Variants in GALNT13 observed in about 807,000 individuals in gnomAD.
The protein encoded by GALNT13 is UDP-GalNAc:polypeptide N-acetylgalactosaminyltransferase 13.
A neutral mutation model predicts 64.2 loss-of-function variants in GALNT13; 28 were observed. That is an observed-to-expected ratio of 0.44 (90% CI 0.32 to 0.60). The LOEUF is 0.60. Ranked by LOEUF, GALNT13 falls within the 20% of genes least tolerant of loss-of-function variation. The pLI, the probability that GALNT13 is intolerant of heterozygous loss-of-function variation, is 0.05. For missense variants in GALNT13, 577 were observed against 669.8 expected (o/e 0.86, Z 1.53); for synonymous variants, 214 against 224.6 (o/e 0.95, Z 0.42).
the GALNT13 span, among the ~76,000 whole-genome samples, chr2:153,184,388 T>A: frequency 6.6e-6 from 1 of 152,230 alleles, no homozygotes; most frequent in East Asian, 1.9e-4. Context: ...AATGGGATTT[T>A]GTAGATATAG....
intron 4 of GALNT13, among the ~76,000 whole-genome samples, chr2:154,150,086 T>C (rs2105616606): frequency 6.6e-6 from 1 of 152,348 alleles, no homozygotes; most frequent in South Asian, 2.1e-4. Context: ...GCTCTTATTA[T>C]TTTGAGATAC....
At chr2:153,421,810 G>A in the GALNT13 span, 24 of 184,520 alleles carry the variant, frequency 1.3e-4, no homozygotes, top group South Asian at 1.5e-3. Flanking sequence ...CTGAAGAGGC[G>A]TAGAATCAAT....
chr2:154,353,697 T>C (rs1446141816), intron 9 of GALNT13, among the ~76,000 whole-genome samples: 2 of 152,186 alleles, frequency 1.3e-5, no homozygotes, highest in Non-Finnish European at 2.9e-5. Flanking sequence ...TTATTTCACT[T>C]AGCATAATGC....
intron 4 of GALNT13, among the ~76,000 whole-genome samples, chr2:154,152,444 G>C (rs557975822): frequency 6.6e-6 from 1 of 152,022 alleles, no homozygotes; most frequent in African/African-American, 2.4e-5. Flanking sequence ...TCTTTGTGGC[G>C]TTCTCTGTAT....
the GALNT13 span, among the ~76,000 whole-genome samples, chr2:153,781,176 G>A: frequency 1.4e-4 from 22 of 152,256 alleles, no homozygotes; most frequent in African/African-American, 5.1e-4. Flanking sequence ...TTGAAGTTTT[G>A]TTGCAGAAGA....
intron 3 of GALNT13, among the ~76,000 whole-genome samples, chr2:154,043,504 CTA>C (rs1465027913): frequency 6.9e-6 from 1 of 144,526 alleles, no homozygotes; most frequent in African/African-American, 2.6e-5. Context: ...AATAAGGTCT[CTA>C]TTTAAAAATC....
chr2:153,615,869 T>G, the GALNT13 span, among the ~76,000 whole-genome samples: 2 of 152,108 alleles, frequency 1.3e-5, no homozygotes, highest in African/African-American at 4.8e-5. Context: ...TGCAAATATT[T>G]TCTCCCATTC....
chr2:153,795,308 C>T, the GALNT13 span, among the ~76,000 whole-genome samples: 17 of 152,174 alleles, frequency 1.1e-4, no homozygotes, highest in East Asian at 1.4e-3. Context: ...TTGTACCGTA[C>T]GTGATTTTGT....
the GALNT13 span, among the ~76,000 whole-genome samples, chr2:153,172,883 T>C: frequency 2.0e-5 from 3 of 152,150 alleles, no homozygotes; most frequent in African/African-American, 7.2e-5. Context: ...CTTTGTACTT[T>C]GACACTTTTG....
the GALNT13 span, among the ~76,000 whole-genome samples, chr2:153,776,542 A>G: frequency 6.6e-6 from 1 of 152,216 alleles, no homozygotes; most frequent in Admixed American, 6.5e-5. Context: ...TGTCAATTCC[A>G]ACAAAGCATT....
At chr2:154,206,271 G>A (rs923109766) in intron 4 of GALNT13, among the ~76,000 whole-genome samples, 1 of 151,766 alleles carries the variant, frequency 6.6e-6, no homozygotes, top group South Asian at 2.1e-4. Context: ...AAAGTGCTGG[G>A]ATTACAGGCA....
the GALNT13 span, among the ~76,000 whole-genome samples, chr2:153,610,044 C>T: frequency 6.6e-6 from 1 of 152,222 alleles, no homozygotes; most frequent in South Asian, 2.1e-4. Flanking sequence ...ACCTCCTGCT[C>T]TACTGGCTGT....
At chr2:153,686,638 C>G in the GALNT13 span, among the ~76,000 whole-genome samples, 1 of 151,952 alleles carries the variant, frequency 6.6e-6, no homozygotes, top group African/African-American at 2.4e-5. Flanking sequence ...TTATTTATTT[C>G]TCTTGTCTGG....
At chr2:153,636,441 C>T in the GALNT13 span, among the ~76,000 whole-genome samples, 2 of 152,052 alleles carry the variant, frequency 1.3e-5, no homozygotes, top group Non-Finnish European at 2.9e-5. Context: ...AAAGGCTTCT[C>T]GTAGTTTTTA....
intron 11 of GALNT13, among the ~76,000 whole-genome samples, chr2:154,434,363 C>T (rs1447424524): frequency 6.6e-6 from 1 of 152,096 alleles, no homozygotes; most frequent in African/African-American, 2.4e-5. Context: ...GGGCTCACGC[C>T]ATTCTCCTGC....
chr2:153,087,703 T>C, the GALNT13 span, among the ~76,000 whole-genome samples: 2 of 152,166 alleles, frequency 1.3e-5, no homozygotes, highest in Non-Finnish European at 2.9e-5. Flanking sequence ...CCTAGGAGAA[T>C]TGTATATTCC....
intron 3 of GALNT13, among the ~76,000 whole-genome samples, chr2:154,084,167 T>A (rs947479062): frequency 6.6e-6 from 1 of 151,950 alleles, no homozygotes; most frequent in Non-Finnish European, 1.5e-5. Flanking sequence ...ATTTCAACTA[T>A]AAATTTCACT....
chr2:153,246,820 G>A, the GALNT13 span, among the ~76,000 whole-genome samples: 2 of 152,082 alleles, frequency 1.3e-5, no homozygotes, highest in African/African-American at 2.4e-5. Context: ...ATGCAAATGG[G>A]CTAAATACCT....
rs1302525964 is a variant in GALNT13, at chr2:154,073,372, G to A, written c.143-66965G>A. ...GCAGACATTTTCTGTGAAAATATAG[G>A]AAGTGAGTCATTCGAATAAAACAAG... is the stretch of plus-strand genomic sequence containing the variant. On this transcript the variant is annotated intron_variant, in intron 3 of 12. Transcript: ENST00000392825. Among the ~76,000 whole-genome samples, 3 of 152,094 alleles carry A rather than the reference G, an allele frequency of 2.0e-5. No homozygotes were observed. The East Asian group carries it at 5.8e-4, about 29-fold the overall frequency.
Sources: gnomAD v4.1 joint callset for allele counts (sites outside exome capture counted in the v4.1 genomes callset) on GRCh38, gnomAD v4.1.1 for gene constraint, MANE v1.5 for transcripts, NCBI Gene and HGNC (gene_info 2026-07-23, HGNC 2026-07-21) for gene names.